STAG1: variants seen among roughly 807,000 people sequenced by gnomAD.
STAG1 encodes cohesin subunit SA-1.
A neutral mutation model predicts 170.9 loss-of-function variants in STAG1; 26 were observed. The ratio of observed to expected loss-of-function variants is 0.15; its 90% CI spans 0.11 to 0.21. The LOEUF is 0.21. Among genes scored for constraint, STAG1 ranks in the 10% least tolerant of loss-of-function variants. The pLI is 1.00. For synonymous variants in STAG1, 514 were observed against 497.7 expected, an observed-to-expected ratio of 1.03 and a Z score of -0.44; for missense variants, 964 against 1,509.5, an observed-to-expected ratio of 0.64 and a Z score of 5.99.
intron 22 of STAG1, among the ~76,000 whole-genome samples, chr3:136,385,422 A>G (rs1341760963): frequency 6.6e-6 from 1 of 152,242 alleles, no homozygotes; most frequent in East Asian, 1.9e-4. Flanking sequence ...CCTGAGCAAT[A>G]GAGTGAGACC....
At chr3:136,720,222 TAAG>T (rs757527781) in intron 1 of STAG1, among the ~76,000 whole-genome samples, 4 of 150,526 alleles carry the variant, frequency 2.7e-5, no homozygotes, top group South Asian at 2.1e-4. Context: ...AGCATTAAAT[TAAG>T]AAGAATGAAA....
chr3:136,366,507 G>A (rs942957947), intron 25 of STAG1, among the ~76,000 whole-genome samples: 5 of 152,004 alleles, frequency 3.3e-5, no homozygotes, highest in Non-Finnish European at 7.4e-5. Flanking sequence ...GCCATAATTG[G>A]AATTGGACTA....
chr3:136,688,208 T>C (rs1198087332), intron 1 of STAG1, among the ~76,000 whole-genome samples: 3 of 152,110 alleles, frequency 2.0e-5, no homozygotes. Flanking sequence ...AGTCAATACC[T>C]TTCAGCATGT....
chr3:136,442,689 T>A lies in STAG1; in HGVS notation c.1546+598A>T, dbSNP rs559084936. ...ATCAAGAAAAAAAAAATTCTGGATG[T>A]ACTTAAAAAAAAAAACATTAAGTTA... On this transcript the variant is annotated intron_variant, in intron 15 of 33. Coordinates refer to ENST00000383202, the MANE Select transcript of STAG1 (RefSeq NM_005862.3). Among the ~76,000 whole-genome samples the A allele has an allele frequency of 2.2e-4, 28 of 130,032 alleles. No homozygotes were observed. The South Asian group carries it at 6.3e-3, about 29-fold the overall frequency. 85.3% of individuals were successfully genotyped at this position (130,032 alleles called of 152,430 possible).
chr3:136,558,083 T>A (rs1199322368), intron 5 of STAG1, among the ~76,000 whole-genome samples: 1 of 152,052 alleles, frequency 6.6e-6, no homozygotes. Flanking sequence ...CAAAGGAGAT[T>A]AGTATTAACA....
At chr3:136,650,087 T>G (rs1941164337) in intron 1 of STAG1, among the ~76,000 whole-genome samples, 2 of 151,690 alleles carry the variant, frequency 1.3e-5, no homozygotes, top group Non-Finnish European at 2.9e-5. Context: ...TTTTGTAAAG[T>G]TAGTTAGGCA....
intron 22 of STAG1, among the ~76,000 whole-genome samples, chr3:136,387,702 T>C (rs1330126910): frequency 6.6e-6 from 1 of 152,216 alleles, no homozygotes. Flanking sequence ...CCAAATGTAA[T>C]ACCTAGTTTT....
intron 1 of STAG1, among the ~76,000 whole-genome samples, chr3:136,651,306 C>T (rs1167862575): frequency 6.7e-6 from 1 of 148,712 alleles, no homozygotes; most frequent in Non-Finnish European, 1.5e-5. Context: ...GTCAAAGCTG[C>T]AGTGAGCTAA....
At chr3:136,526,377 G>A (rs1159311996) in intron 6 of STAG1, among the ~76,000 whole-genome samples, 1 of 152,000 alleles carries the variant, frequency 6.6e-6, no homozygotes, top group Non-Finnish European at 1.5e-5. Flanking sequence ...TTCTATCTTT[G>A]TTGGTTTAAA....
chr3:136,700,661 C>G (rs966616524), intron 1 of STAG1, among the ~76,000 whole-genome samples: 1 of 151,766 alleles, frequency 6.6e-6, no homozygotes, highest in Non-Finnish European at 1.5e-5. Flanking sequence ...CACAGGTGAT[C>G]CACCCACCTT....
chr3:136,426,500 G>A (rs560280081), intron 16 of STAG1, among the ~76,000 whole-genome samples: 2 of 152,282 alleles, frequency 1.3e-5, no homozygotes, highest in South Asian at 2.1e-4. Context: ...TCATCATGAT[G>A]TATAAAATAT....
chr3:136,719,837 C>T (rs749621347), intron 1 of STAG1, among the ~76,000 whole-genome samples: 13 of 152,108 alleles, frequency 8.5e-5, no homozygotes, highest in Non-Finnish European at 1.6e-4. Context: ...ATATATATCT[C>T]ACTCAACTTT....
intron 25 of STAG1, among the ~76,000 whole-genome samples, chr3:136,363,888 G>A (rs1470901727): frequency 2.0e-5 from 3 of 152,022 alleles, no homozygotes; most frequent in Non-Finnish European, 4.4e-5. Flanking sequence ...TAAATAGCTG[G>A]GACTACAGGC....
chr3:136,454,322 C>T (rs1167930490), intron 13 of STAG1, among the ~76,000 whole-genome samples: 1 of 151,576 alleles, frequency 6.6e-6, no homozygotes. Flanking sequence ...TCAAGTAATC[C>T]GCCCACCTCA....
rs145050525 is a variant in STAG1, at chr3:136,446,481, G to A, written c.1429-3077C>T. On this transcript the variant is annotated intron_variant, in intron 14 of 33. Coordinates refer to ENST00000383202, the MANE Select transcript of STAG1 (RefSeq NM_005862.3). ...TCTGTCGCCCAGCCTGGAATGCTAC[G>A]GCATGATCTCGGCTCACTGCAACCT... Among the ~76,000 whole-genome samples, 601 of 151,560 alleles carry A rather than the reference G, an allele frequency of 4.0e-3. 10 individuals are homozygous for A. Among genetic ancestry groups the A allele is most frequent in the Admixed American group, 0.028 (424 of 15,222 alleles).
chr3:136,474,827 A>G (rs1259804714), intron 10 of STAG1, among the ~76,000 whole-genome samples: 1 of 152,154 alleles, frequency 6.6e-6, no homozygotes, highest in African/African-American at 2.4e-5. Context: ...CAATATCTCT[A>G]TCTTTCTCTG....
At chr3:136,677,525 C>T (rs924597126) in intron 1 of STAG1, among the ~76,000 whole-genome samples, 9 of 152,092 alleles carry the variant, frequency 5.9e-5, no homozygotes, top group African/African-American at 2.2e-4. Flanking sequence ...AGGTTAGAAC[C>T]TAATACCCAA....
chr3:136,372,489 C>T (rs1317033901), intron 23 of STAG1, among the ~76,000 whole-genome samples: 12 of 152,112 alleles, frequency 7.9e-5, no homozygotes, highest in Admixed American at 7.2e-4. Context: ...GTGGGTTTGT[C>T]ATAGATAGCT....
rs57609965 is a variant in STAG1, at chr3:136,551,208, T to TGAGA, written c.395-9017_395-9014dup. Among the ~76,000 whole-genome samples the TGAGA allele has an allele frequency of 8.7e-3, 386 of 44,426 alleles. 1 individual carries two copies. Among genetic ancestry groups the TGAGA allele is most frequent in the East Asian group, 0.017 (23 of 1,370 alleles). The allele number at this position is 44,426 out of a possible 152,430, so 29.1% of individuals were successfully genotyped here. ...GAGAGAGAGAGAGGTTGAGAGAGAG[T>TGAGA]GAGAGAGAGAGAGAGAGAGAGAGAG... On this transcript the variant is annotated intron_variant, in intron 5 of 33. Transcript: ENST00000383202.
Sources: gnomAD v4.1 joint callset for allele counts (sites outside exome capture counted in the v4.1 genomes callset) on GRCh38, gnomAD v4.1.1 for gene constraint, MANE v1.5 for transcripts, NCBI Gene and HGNC (gene_info 2026-07-23, HGNC 2026-07-21) for gene names.